The following ASTN2 variants were observed in gnomAD, a reference collection of about 807,000 sequenced individuals.
ASTN2 encodes astrotactin 2, also known as astrotactin-2.
ASTN2 carries 54 observed loss-of-function variants against 139.8 expected under a neutral mutation model. That is an observed-to-expected ratio of 0.39 (90% CI 0.31 to 0.48). The LOEUF is 0.48. Among genes scored for constraint, ASTN2 ranks in the 20% least tolerant of loss-of-function variants. The pLI, the probability that ASTN2 is intolerant of heterozygous loss-of-function variation, is 0.95. For synonymous variants in ASTN2, 756 were observed against 719.5 expected, an observed-to-expected ratio of 1.05 and a Z score of -0.81; for missense variants, 1,565 against 1,725.1, an observed-to-expected ratio of 0.91 and a Z score of 1.64.
chr9:116,537,488 T>C (rs967482010), intron 19 of ASTN2, among the ~76,000 whole-genome samples: 3 of 152,186 alleles, frequency 2.0e-5, no homozygotes, highest in African/African-American at 4.8e-5. Flanking sequence ...CACAGTGATA[T>C]GTGTAATGAT....
chr9:116,895,771 G>C (rs1833865538), intron 10 of ASTN2, among the ~76,000 whole-genome samples: 1 of 152,166 alleles, frequency 6.6e-6, no homozygotes, highest in East Asian at 1.9e-4. Flanking sequence ...AGAGGGAGGA[G>C]AAACATAAAT....
intron 2 of ASTN2, among the ~76,000 whole-genome samples, chr9:117,221,711 G>A (rs916334036): frequency 2.0e-5 from 3 of 152,138 alleles, no homozygotes; most frequent in African/African-American, 7.2e-5. Flanking sequence ...CCTTCTCTTG[G>A]CCACTTGCCT....
Position 116,600,344 on chromosome 9 carries a change from A to AAAAG in ASTN2, c.3355+17976_3355+17979dup, listed in dbSNP as rs1564144184. On this transcript the variant is annotated intron_variant, in intron 19 of 22. Transcript: ENST00000313400. ...GTCTCAAAAAAAAAAAAAAAAAAAA[A>AAAAG]AAAGAAAGAAAGAAAGAAAGAAAAA... Among the ~76,000 whole-genome samples the AAAAG allele has an allele frequency of 6.1e-4, 87 of 142,424 alleles. 1 individual carries two copies. Among genetic ancestry groups the AAAAG allele is most frequent in the African/African-American group, 1.7e-3 (59 of 34,522 alleles). 93.4% of individuals were successfully genotyped at this position (142,424 alleles called of 152,430 possible). A position where few individuals can be genotyped will look rare whatever the true frequency, so the allele number is the denominator to read the frequency against.
intron 7 of ASTN2, among the ~76,000 whole-genome samples, chr9:116,989,605 T>C (rs1836789974): frequency 7.2e-6 from 1 of 138,456 alleles, no homozygotes; most frequent in South Asian, 2.3e-4. Context: ...TTTTTTTTGA[T>C]GAAGTTTTGC....
At chr9:117,041,903 T>C (rs1838585538) in intron 5 of ASTN2, among the ~76,000 whole-genome samples, 1 of 152,202 alleles carries the variant, frequency 6.6e-6, no homozygotes, top group Non-Finnish European at 1.5e-5. Context: ...TTTCATATGC[T>C]CTTGGTAGAT....
chr9:116,869,540 A>G (rs1833101572), intron 10 of ASTN2, among the ~76,000 whole-genome samples: 1 of 152,192 alleles, frequency 6.6e-6, no homozygotes, highest in Admixed American at 6.5e-5. Context: ...GATCATGATG[A>G]AGTCACTCTC....
intron 3 of ASTN2, among the ~76,000 whole-genome samples, chr9:117,186,856 C>T (rs34212202): frequency 6.6e-6 from 1 of 152,136 alleles, no homozygotes; most frequent in South Asian, 2.1e-4. Context: ...GAAGGCCGGG[C>T]GAAGTGGCTC....
intron 19 of ASTN2, among the ~76,000 whole-genome samples, chr9:116,597,458 A>G (rs1049772178): frequency 6.6e-6 from 1 of 151,650 alleles, no homozygotes; most frequent in African/African-American, 2.4e-5. Context: ...ATGCCCGGCT[A>G]ATTTTTTGTA....
chr9:116,926,620 A>G (rs1834763189), intron 10 of ASTN2, among the ~76,000 whole-genome samples: 1 of 152,226 alleles, frequency 6.6e-6, no homozygotes, highest in Non-Finnish European at 1.5e-5. Context: ...TAAATATGGC[A>G]TTTAATTACT....
At chr9:116,799,348 C>T (rs1167108058) in intron 13 of ASTN2, among the ~76,000 whole-genome samples, 3 of 152,144 alleles carry the variant, frequency 2.0e-5, no homozygotes, top group Admixed American at 6.5e-5. Flanking sequence ...ACATCTTACC[C>T]CAAACTGTCC....
At chr9:116,846,626 C>G (rs1301027051) in intron 11 of ASTN2, among the ~76,000 whole-genome samples, 1 of 152,156 alleles carries the variant, frequency 6.6e-6, no homozygotes, top group Non-Finnish European at 1.5e-5. Flanking sequence ...TTAGAGGAGT[C>G]CCACGTAATT....
chr9:116,479,557 A>T (rs1372036839), intron 20 of ASTN2, among the ~76,000 whole-genome samples: 1 of 152,170 alleles, frequency 6.6e-6, no homozygotes, highest in Non-Finnish European at 1.5e-5. Context: ...CAGTGCTGGG[A>T]AACAGCTCGG....
At chr9:116,997,698 C>T (rs2132562803) in intron 7 of ASTN2, among the ~76,000 whole-genome samples, 1 of 152,296 alleles carries the variant, frequency 6.6e-6, no homozygotes, top group East Asian at 1.9e-4. Flanking sequence ...TGTCAATCAA[C>T]TACTTTAAGA....
At chr9:117,409,196 A>G (rs1407152369) in intron 1 of ASTN2, among the ~76,000 whole-genome samples, 2 of 152,242 alleles carry the variant, frequency 1.3e-5, no homozygotes, top group Non-Finnish European at 2.9e-5. Flanking sequence ...CACATAAGAA[A>G]AAAAAGTGGA....
rs1464820311 is a variant in ASTN2, at chr9:117,010,171, C to T, written c.1424-1912G>A. 3.3e-5 allele frequency among the ~76,000 whole-genome samples: 5 copies of T among 151,960 alleles called. No homozygotes were observed. The South Asian group carries it at 8.3e-4, about 25-fold the overall frequency. On this transcript the variant is annotated intron_variant, in intron 6 of 22. Coordinates refer to ENST00000313400, the MANE Select transcript of ASTN2 (RefSeq NM_001365068.1). ...GCCCTAAAGTCCTTGGCAGCTAAAGCAAAAATGGAAGGAGTTTGTTGGATT... is the reference window on the plus strand; with the variant it reads ...GCCCTAAAGTCCTTGGCAGCTAAAGTAAAAATGGAAGGAGTTTGTTGGATT...
At chr9:116,497,107 G>A (rs955818316) in intron 19 of ASTN2, among the ~76,000 whole-genome samples, 1 of 152,166 alleles carries the variant, frequency 6.6e-6, no homozygotes, top group African/African-American at 2.4e-5. Flanking sequence ...AGGCTGTGGG[G>A]CAGAAAGTGC....
chr9:117,319,029 C>G (rs1457417368), intron 1 of ASTN2, among the ~76,000 whole-genome samples: 4 of 152,162 alleles, frequency 2.6e-5, no homozygotes, highest in African/African-American at 9.7e-5. Context: ...TCTGAGGACT[C>G]CTGGGAAAAA....
intron 3 of ASTN2, among the ~76,000 whole-genome samples, chr9:117,178,728 G>A (rs1054892540): frequency 7.9e-5 from 12 of 152,228 alleles, no homozygotes; most frequent in African/African-American, 2.2e-4. Context: ...CAGAGAAGAC[G>A]CAGGCAGGGA....
At chr9:116,812,870 G>T (rs1831203723) in intron 12 of ASTN2, among the ~76,000 whole-genome samples, 1 of 152,058 alleles carries the variant, frequency 6.6e-6, no homozygotes, top group South Asian at 2.1e-4. Context: ...AAAGATTGTG[G>T]CTTGCAGGAG....
Sources: allele counts gnomAD v4.1 joint callset (sites outside exome capture counted in the v4.1 genomes callset), GRCh38; gene constraint gnomAD v4.1.1; transcripts MANE v1.5; gene names NCBI Gene and HGNC (gene_info 2026-07-23, HGNC 2026-07-21).